The following SNRPN variants were observed in gnomAD, a reference collection of about 807,000 sequenced individuals.
SNRPN encodes the protein small nuclear ribonucleoprotein polypeptide N, also known as small nuclear ribonucleoprotein-associated protein N.
A neutral mutation model predicts 25.2 loss-of-function variants in SNRPN; 7 were observed. The observed-to-expected ratio is 0.28, with a 90% CI of 0.16 to 0.52. SNRPN has a LOEUF of 0.52. Ranked by LOEUF, SNRPN falls within the 20% of genes least tolerant of loss-of-function variation. The pLI is 0.96. For synonymous variants in SNRPN, 124 were observed against 110.6 expected (o/e 1.12, Z -0.76); for missense variants, 196 against 322.5 (o/e 0.61, Z 3.00).
intron 1 of SNRPN, among the ~76,000 whole-genome samples, chr15:24,882,584 T>C (rs998517178): frequency 1.3e-5 from 2 of 151,996 alleles, no homozygotes; most frequent in African/African-American, 4.8e-5. Flanking sequence ...TCCAGCACTT[T>C]GGGAGGCTGA....
chr15:24,855,831 A>C (rs2146327736), upstream of SNRPN, among the ~76,000 whole-genome samples: 1 of 151,088 alleles, frequency 6.6e-6, no homozygotes, highest in East Asian at 1.9e-4. Context: ...CTACCCCGGA[A>C]GTCATGTTCC....
At chr15:24,943,286 G>A (rs149391729) in intron 3 of SNRPN, among the ~76,000 whole-genome samples, 3 of 152,184 alleles carry the variant, frequency 2.0e-5, no homozygotes, top group African/African-American at 7.2e-5. Flanking sequence ...CTTCAGGGAG[G>A]TCTTCAGAAA....
chr15:24,976,357 G>A lies in SNRPN; in HGVS notation c.208G>A (p.Val70Met). ...TGAAGAAAAGCGGGTTTTGGGTCTGGTGTTGCTGCGTGGGGAGAACTTGGT... is the reference window on the plus strand; with the variant it reads ...TGAAGAAAAGCGGGTTTTGGGTCTGATGTTGCTGCGTGGGGAGAACTTGGT... ...EREEKRVLGLVLLRGENLVSM... is the reference protein window; with the variant it reads ...EREEKRVLGLMLLRGENLVSM... The change falls in exon 6 of 10, where the codon GTG becomes ATG. Residue 70 changes from valine (V) to methionine (M), a missense_variant. Transcript: ENST00000390687. 1 of 1,613,300 alleles carries A rather than the reference G, an allele frequency of 6.2e-7. No homozygotes were observed. Among genetic ancestry groups the A allele is most frequent in the Non-Finnish European group, 8.5e-7 (1 of 1,179,848 alleles).
chr15:24,925,738 C>A (rs2060332836), intron 3 of SNRPN, among the ~76,000 whole-genome samples: 1 of 98,942 alleles, frequency 1.0e-5, no homozygotes, highest in East Asian at 3.9e-4. Flanking sequence ...ACCACCATGC[C>A]CAGCTAATTT....
intron 3 of SNRPN, among the ~76,000 whole-genome samples, chr15:24,933,693 G>T (rs1292058201): frequency 6.6e-5 from 10 of 152,248 alleles, no homozygotes; most frequent in African/African-American, 2.4e-4. Flanking sequence ...AAGGGCAGAA[G>T]TCCTGACTTA....
intron 2 of SNRPN, among the ~76,000 whole-genome samples, chr15:24,844,807 A>G (rs1451529706): frequency 6.6e-6 from 1 of 152,202 alleles, no homozygotes; most frequent in African/African-American, 2.4e-5. Flanking sequence ...TACAGGCATG[A>G]GCCACTGTGC....
At chr15:24,891,569 C>T (rs2057680613) in intron 2 of SNRPN, among the ~76,000 whole-genome samples, 1 of 152,040 alleles carries the variant, frequency 6.6e-6, no homozygotes, top group Non-Finnish European at 1.5e-5. Flanking sequence ...TCCCAAGTAG[C>T]TGGGATTGTA....
chr15:24,905,383 C>T (rs2058730870), intron 2 of SNRPN, among the ~76,000 whole-genome samples: 2 of 151,462 alleles, frequency 1.3e-5, no homozygotes, highest in Non-Finnish European at 2.9e-5. Flanking sequence ...GTGGCGTGCG[C>T]CTGTAGTCTT....
intron 2 of SNRPN, among the ~76,000 whole-genome samples, chr15:24,830,454 C>T (rs74425510): frequency 3.3e-5 from 5 of 152,066 alleles, no homozygotes; most frequent in Non-Finnish European, 7.4e-5. Context: ...GCCGTGTTTC[C>T]AATGTTATAT....
rs1469888762 is a variant in SNRPN, at chr15:24,955,199, C to G, written c.-391+137C>G. The G allele has an allele frequency of 2.5e-6, 3 of 1,205,356 alleles. No homozygotes were observed. In the Admixed American group the frequency reaches 6.0e-5, roughly 24 times the overall value. The allele number at this position is 1,205,356 out of a possible 1,614,324, so 74.7% of individuals were successfully genotyped here. On this transcript the variant is annotated intron_variant, in intron 1 of 9. Transcript: ENST00000390687. Reference sequence around the variant, plus strand: ...CCCTAAAGTCCTTTGTTCTGGAGAACCAGATCCGGAATGTTCAGAGGCTTG... The same window carrying G: ...CCCTAAAGTCCTTTGTTCTGGAGAAGCAGATCCGGAATGTTCAGAGGCTTG...
intron 2 of SNRPN, among the ~76,000 whole-genome samples, chr15:24,918,055 C>T (rs2059641395): frequency 6.6e-6 from 1 of 151,914 alleles, no homozygotes; most frequent in Non-Finnish European, 1.5e-5. Flanking sequence ...TTTCAAAATA[C>T]TTTAAATATT....
At position 24,835,106 on chromosome 15, in the gene SNRPN, A is replaced by AGTATATATAT. The variant is rs1566807602; in HGVS notation, c.-579+5201_-579+5202insGTATATATAT. 1.4e-3 allele frequency among the ~76,000 whole-genome samples: 29 copies of AGTATATATAT among 20,670 alleles called. 6 individuals are homozygous for AGTATATATAT. Among genetic ancestry groups the AGTATATATAT allele is most frequent in the African/African-American group, 2.4e-3 (15 of 6,148 alleles). 13.6% of individuals were successfully genotyped at this position (20,670 alleles called of 152,430 possible). A position where few individuals can be genotyped will look rare whatever the true frequency, so the allele number is the denominator to read the frequency against. ...ATATATAAAATATATAGATATATAT[A>AGTATATATAT]CTATATATCTATATATAAAATATAT... On this transcript the variant is annotated intron_variant, in intron 2 of 12. Transcript: ENST00000400100.
intron 1 of SNRPN, among the ~76,000 whole-genome samples, chr15:24,956,442 G>A (rs1437320077): frequency 1.3e-5 from 2 of 152,056 alleles, no homozygotes; most frequent in Non-Finnish European, 2.9e-5. Flanking sequence ...CGGAGTTTCA[G>A]CCGTACCCTC....
rs577114139 is a variant in SNRPN, at chr15:24,966,848, C to G, written c.-294-1084C>G. ...CATTGTTGGTGATCCCCCAGCTCCT[C>G]ACCTCAAGGCAAGCTGTCATTTCCT... On this transcript the variant is annotated intron_variant, in intron 2 of 9. Transcript: ENST00000390687. Among the ~76,000 whole-genome samples, 12 of 152,296 alleles carry G rather than the reference C, an allele frequency of 7.9e-5. No homozygotes were observed. The South Asian group carries it at 2.5e-3, about 32-fold the overall frequency.
At chr15:24,955,604 G>C (rs1234267749) in intron 1 of SNRPN, among the ~76,000 whole-genome samples, 1 of 143,972 alleles carries the variant, frequency 6.9e-6, no homozygotes, top group Non-Finnish European at 1.6e-5. Flanking sequence ...TGGGGCGACT[G>C]GGGGGGGAAT....
chr15:24,901,293 A>C (rs533997946), intron 2 of SNRPN, among the ~76,000 whole-genome samples: 1 of 152,326 alleles, frequency 6.6e-6, no homozygotes, highest in South Asian at 2.1e-4. Context: ...AGTAATCAGA[A>C]TGTTTTGGCA....
chr15:24,867,228 C>T (rs961553608), intron 1 of SNRPN, among the ~76,000 whole-genome samples: 6 of 151,970 alleles, frequency 3.9e-5, no homozygotes, highest in South Asian at 2.1e-4. Flanking sequence ...ATGGCTGTAC[C>T]GATTAACATT....
chr15:24,914,657 C>T (rs981522713), intron 2 of SNRPN, among the ~76,000 whole-genome samples: 2 of 152,132 alleles, frequency 1.3e-5, no homozygotes, highest in Admixed American at 6.5e-5. Context: ...CAGTGGATCC[C>T]CAATCAACTT....
At chr15:24,834,751 C>CTCTCTCTCTATATATATATATATGTATA in intron 2 of SNRPN, among the ~76,000 whole-genome samples, 3 of 60,954 alleles carry the variant, frequency 4.9e-5, no homozygotes, top group African/African-American at 1.8e-4. Context: ...CTCTCTCTCT[C>CTCTCTCTCTATATATATATATATGTATA]TATATATATA....
Sources: allele counts gnomAD v4.1 joint callset (sites outside exome capture counted in the v4.1 genomes callset), GRCh38; gene constraint gnomAD v4.1.1; transcripts MANE v1.5; gene names NCBI Gene and HGNC (gene_info 2026-07-23, HGNC 2026-07-21).